The following CYLC2 variants were observed in gnomAD, a reference collection of about 807,000 sequenced individuals.
CYLC2 encodes cylicin 2.
In CYLC2, 30 loss-of-function variants were observed where a neutral mutation model predicts 26.1. The ratio of observed to expected loss-of-function variants is 1.15; its 90% CI spans 0.86 to 1.56. The LOEUF (loss-of-function observed/expected upper bound fraction) is 1.56. Among genes scored for constraint, CYLC2 ranks in the 40% most tolerant of loss-of-function variants. The probability of loss-of-function intolerance (pLI) is 0.00; values close to 1 mark genes in which losing one functional copy is unlikely to be tolerated. For missense variants in CYLC2, 498 were observed against 394.4 expected (o/e 1.26, Z -2.23); for synonymous variants, 158 against 132.8 (o/e 1.19, Z -1.31).
chr9:103,004,227 T>C (rs894311275), intron 3 of CYLC2, among the ~76,000 whole-genome samples: 38 of 152,106 alleles, frequency 2.5e-4, no homozygotes, highest in Non-Finnish European at 1.9e-4. Context: ...TTCAGGCTTT[T>C]ATCTTTAACC....
chr9:103,016,604 G>A (rs1016964249), intron 6 of CYLC2, among the ~76,000 whole-genome samples: 10 of 151,872 alleles, frequency 6.6e-5, no homozygotes, highest in Admixed American at 2.6e-4. Flanking sequence ...ATCTCTATCA[G>A]TGACCTATTA....
At chr9:102,998,174 G>T (rs1014239352) in intron 1 of CYLC2, among the ~76,000 whole-genome samples, 9 of 151,728 alleles carry the variant, frequency 5.9e-5, no homozygotes, top group African/African-American at 2.2e-4. Context: ...TAATTACTGT[G>T]TTTCCTTATA....
Position 103,005,171 on chromosome 9 carries a change from T to C in CYLC2, c.540T>C (p.Asp180=). ...AAGACTCAGCAACAGAATCTGAAGA[T>C]GAAAAAGGAGGTGCAAAGAAAGATA... ...KGKDSATESE[D]EKGGAKKDNK... is the part of the protein sequence containing the mutation. The change falls in exon 5 of 8, where the codon GAT becomes GAC. Residue 180 remains aspartate (D), a synonymous_variant. Transcript: ENST00000374798. The C allele has an allele frequency of 1.9e-6, 3 of 1,602,608 alleles. No individual in the cohort carries two copies. The highest frequency in any genetic ancestry group is 2.5e-6 in the Non-Finnish European group (3 of 1,177,038).
chr9:103,005,350 A>G lies in CYLC2; in HGVS notation c.719A>G (p.Asp240Gly), dbSNP rs1255063780. Residue 240 changes from aspartate to glycine, a missense_variant, in exon 5 of 8, where the codon GAT becomes GGT. Transcript: ENST00000374798. ...SAIELQAVKA[D>G]EKKDEDGKKD... ...ATAGAATTACAAGCTGTAAAAGCAG[A>G]TGAAAAGAAGGATGAGGATGGAAAA... 9.9e-6 allele frequency: 16 copies of G among 1,613,890 alleles called. No individual in the cohort carries two copies. Among genetic ancestry groups the G allele is most frequent in the Non-Finnish European group, 1.2e-5 (14 of 1,179,982 alleles).
At chr9:103,017,662 T>C (rs2118283817) in intron 7 of CYLC2, among the ~76,000 whole-genome samples, 1 of 152,116 alleles carries the variant, frequency 6.6e-6, no homozygotes, top group South Asian at 2.1e-4. Context: ...TAGATATAGT[T>C]GGTAACTTTT....
At chr9:103,009,451 G>A (rs62576157) in intron 5 of CYLC2, among the ~76,000 whole-genome samples, 17,073 of 151,818 alleles carry the variant, frequency 0.11, 1,121 homozygotes, top group Non-Finnish European at 0.13. Context: ...CAATCCACCC[G>A]CCTCAGCCTC....
intron 5 of CYLC2, among the ~76,000 whole-genome samples, chr9:103,008,156 T>C (rs1829370965): frequency 6.6e-6 from 1 of 152,002 alleles, no homozygotes; most frequent in Admixed American, 6.5e-5. Flanking sequence ...TTTTCCTCTA[T>C]AAAAAGGCCC....
chr9:103,003,832 C>A (rs1829313093), intron 3 of CYLC2, among the ~76,000 whole-genome samples: 1 of 152,040 alleles, frequency 6.6e-6, no homozygotes, highest in Non-Finnish European at 1.5e-5. Context: ...ACCTTTAATA[C>A]TTCCTCAGTT....
At chr9:103,012,963 A>G (rs1829423792) in intron 6 of CYLC2, among the ~76,000 whole-genome samples, 1 of 150,390 alleles carries the variant, frequency 6.6e-6, no homozygotes, top group African/African-American at 2.4e-5. Context: ...ATAAAAATCC[A>G]TAAACTTTGA....
chr9:103,015,374 T>G (rs1829490206), intron 6 of CYLC2, among the ~76,000 whole-genome samples: 1 of 86,978 alleles, frequency 1.1e-5, no homozygotes, highest in African/African-American at 4.5e-5. Flanking sequence ...TTATATAATG[T>G]AATATATATT....
chr9:103,007,166 T>C (rs899285098), intron 5 of CYLC2, among the ~76,000 whole-genome samples: 4 of 152,256 alleles, frequency 2.6e-5, no homozygotes, highest in Non-Finnish European at 5.9e-5. Flanking sequence ...TTGGACTTTC[T>C]CATGTTAAGA....
At chr9:103,015,264 T>C (rs867849014) in intron 6 of CYLC2, among the ~76,000 whole-genome samples, 1 of 122,816 alleles carries the variant, frequency 8.1e-6, no homozygotes, top group South Asian at 2.3e-4. Flanking sequence ...ATATATTATA[T>C]ACATATATTT....
In CYLC2 at chr9:103,002,545, G is replaced by T. The variant is rs147900956; in HGVS notation, c.59-597G>T. 3.8e-4 allele frequency among the ~76,000 whole-genome samples: 58 copies of T among 151,464 alleles called. 2 individuals are homozygous for T. The East Asian group carries it at 9.6e-3, about 25-fold the overall frequency. The stretch of plus-strand genomic sequence containing the variant: ...CACACCTGGTTTTTAGTAGAGACGG[G>T]GTTTCACCGTGTTAGCCAGGATGGT... On this transcript the variant is annotated intron_variant, in intron 2 of 7. Coordinates refer to ENST00000374798, the MANE Select transcript of CYLC2 (RefSeq NM_001340.5).
Position 103,004,710 on chromosome 9 carries a change from C to T in CYLC2, c.196C>T (p.Gln66Ter). The change falls in exon 4 of 8, where the codon CAA becomes TAA. Residue 66 changes from glutamine (Q) to a stop codon, truncating the protein, a stop_gained. Coordinates refer to ENST00000374798, the MANE Select transcript of CYLC2 (RefSeq NM_001340.5). LOFTEE classifies it high-confidence loss of function. ...CATCTTTCAGATAATTGATGAAGAA[C>T]AATTAAGAGGAGATCGTAGACAACC... ...DNTVSIIDEE[Q>*]LRGDRRQPLW... The T allele has an allele frequency of 1.3e-6, 2 of 1,590,784 alleles. No individual in the cohort carries two copies. Among genetic ancestry groups the T allele is most frequent in the South Asian group, 1.2e-5 (1 of 86,590 alleles).
intron 6 of CYLC2, among the ~76,000 whole-genome samples, chr9:103,015,141 T>C (rs377143550): frequency 0.011 from 46 of 4,168 alleles, no homozygotes; most frequent in African/African-American, 0.014. Context: ...ATACATAACA[T>C]GTATATCACG....
Position 103,003,164 on chromosome 9 carries a change from A to G in CYLC2, c.81A>G (p.Ser27=), listed in dbSNP as rs765725715. 15 of 1,613,712 alleles carry G rather than the reference A, an allele frequency of 9.3e-6. No individual in the cohort carries two copies. The highest frequency in any genetic ancestry group is 1.3e-5 in the African/African-American group (1 of 75,032). The change falls in exon 3 of 8, where the codon TCA becomes TCG. Residue 27 remains serine (S), a synonymous_variant. Coordinates refer to ENST00000374798, the MANE Select transcript of CYLC2 (RefSeq NM_001340.5). ...YIPVSELSKK[S]WNQQHFALLF... ...TAGTCAGTGAATTAAGCAAAAAATC[A>G]TGGAATCAGCAACACTTTGCCCTGT...
At chr9:103,000,200 C>T (rs1829274905) in intron 1 of CYLC2, among the ~76,000 whole-genome samples, 1 of 151,042 alleles carries the variant, frequency 6.6e-6, no homozygotes, top group Non-Finnish European at 1.5e-5. Context: ...TCTTTTGGAC[C>T]ACTGGTTCTT....
chr9:103,018,047 G>A (rs1163644972), intron 7 of CYLC2, among the ~76,000 whole-genome samples: 1 of 151,772 alleles, frequency 6.6e-6, no homozygotes, highest in African/African-American at 2.4e-5. Flanking sequence ...TAAATTTCAG[G>A]GTAGACAATT....
chr9:103,013,669 AATAATATATATGATAT>A (rs1426749235), intron 6 of CYLC2, among the ~76,000 whole-genome samples: 1 of 110,812 alleles, frequency 9.0e-6, no homozygotes, highest in African/African-American at 3.7e-5. Context: ...TATTATATTA[AATAATATATATGATAT>A]ATAATATATC....
Sources: allele counts gnomAD v4.1 joint callset (sites outside exome capture counted in the v4.1 genomes callset), GRCh38; gene constraint gnomAD v4.1.1; transcripts MANE v1.5; gene names NCBI Gene and HGNC (gene_info 2026-07-23, HGNC 2026-07-21).